The following MMP16 variants were observed in gnomAD, a reference collection of about 807,000 sequenced individuals.
MMP16 encodes matrix metallopeptidase 16.
Under a neutral mutation model 67.8 loss-of-function variants are expected in MMP16, and 12 were observed. The observed-to-expected ratio is 0.18, with a 90% CI of 0.11 to 0.29. MMP16 has a LOEUF of 0.29. MMP16 is among the 10% of genes least tolerant of loss of function. MMP16 has a pLI of 1.00. For missense variants in MMP16, 475 were observed against 765.7 expected, an observed-to-expected ratio of 0.62 and a Z score of 4.48; for synonymous variants, 249 against 255.9, an observed-to-expected ratio of 0.97 and a Z score of 0.26.
chr8:88,181,278 T>A (rs1210048227), intron 3 of MMP16, among the ~76,000 whole-genome samples: 1 of 151,976 alleles, frequency 6.6e-6, no homozygotes, highest in Non-Finnish European at 1.5e-5. Context: ...TATCCTCTAT[T>A]TGAAAAGTAC....
intron 1 of MMP16, among the ~76,000 whole-genome samples, chr8:88,219,696 T>G (rs1389664670): frequency 6.6e-6 from 1 of 152,156 alleles, no homozygotes; most frequent in African/African-American, 2.4e-5. Context: ...GAGTTATTTA[T>G]AAAATTTTCA....
chr8:88,113,031 C>T (rs1046386963), intron 6 of MMP16, among the ~76,000 whole-genome samples: 1 of 151,678 alleles, frequency 6.6e-6, no homozygotes, highest in Non-Finnish European at 1.5e-5. Flanking sequence ...TTCATTTAGG[C>T]TGACTATCAT....
At chr8:88,216,387 T>C (rs1488329208) in intron 1 of MMP16, among the ~76,000 whole-genome samples, 1 of 152,220 alleles carries the variant, frequency 6.6e-6, no homozygotes, top group Non-Finnish European at 1.5e-5. Flanking sequence ...TTGTATTTCG[T>C]ATAAACATAA....
intron 1 of MMP16, among the ~76,000 whole-genome samples, chr8:88,307,170 A>G (rs1041739576): frequency 1.3e-5 from 2 of 152,064 alleles, no homozygotes; most frequent in African/African-American, 4.8e-5. Context: ...CACGTTTAAG[A>G]TATCTGCAAC....
chr8:88,146,268 C>A (rs1381610245), intron 4 of MMP16, among the ~76,000 whole-genome samples: 4 of 152,002 alleles, frequency 2.6e-5, no homozygotes, highest in Admixed American at 6.6e-5. Flanking sequence ...GCAAAATATA[C>A]CTTATATGTA....
intron 6 of MMP16, among the ~76,000 whole-genome samples, chr8:88,105,931 G>A (rs1441332101): frequency 6.6e-6 from 1 of 150,438 alleles, no homozygotes; most frequent in Non-Finnish European, 1.5e-5. Context: ...AGAGGTAACT[G>A]TTCTTAACAT....
chr8:88,224,179 G>C (rs1809731733), intron 1 of MMP16, among the ~76,000 whole-genome samples: 1 of 152,036 alleles, frequency 6.6e-6, no homozygotes, highest in African/African-American at 2.4e-5. Context: ...GTAACAAATG[G>C]TAGCCTTGAC....
chr8:88,265,458 T>A (rs888639097), intron 1 of MMP16, among the ~76,000 whole-genome samples: 3 of 152,046 alleles, frequency 2.0e-5, no homozygotes, highest in Non-Finnish European at 4.4e-5. Context: ...GTTCATAGTT[T>A]AATGGGAGAG....
chr8:88,262,006 A>T (rs1410614416), intron 1 of MMP16, among the ~76,000 whole-genome samples: 2 of 152,220 alleles, frequency 1.3e-5, no homozygotes, highest in Non-Finnish European at 2.9e-5. Context: ...CTATGAGCTC[A>T]TTAAGGCAAA....
At chr8:88,326,470 G>T (rs1811538923) in intron 1 of MMP16, among the ~76,000 whole-genome samples, 1 of 151,762 alleles carries the variant, frequency 6.6e-6, no homozygotes, top group Admixed American at 6.6e-5. Flanking sequence ...GAGGGGGAAA[G>T]AAGACACTTA....
intron 6 of MMP16, among the ~76,000 whole-genome samples, chr8:88,093,165 A>T (rs1378012024): frequency 1.3e-5 from 2 of 151,854 alleles, no homozygotes; most frequent in African/African-American, 4.8e-5. Context: ...ACATGTAACA[A>T]TGTACAATAT....
chr8:88,305,803 T>C (rs1223433386), intron 1 of MMP16, among the ~76,000 whole-genome samples: 1 of 152,020 alleles, frequency 6.6e-6, no homozygotes, highest in African/African-American at 2.4e-5. Flanking sequence ...AAGGGGGAAA[T>C]TTATAGCACT....
chr8:88,086,092 T>C (rs2664357), intron 6 of MMP16, among the ~76,000 whole-genome samples: 50,591 of 151,628 alleles, frequency 0.33, 9,107 homozygotes, highest in East Asian at 0.48. Flanking sequence ...AGCTCTAGCA[T>C]AGAAAGAGCG....
At chr8:88,274,097 T>C (rs1329941223) in intron 1 of MMP16, among the ~76,000 whole-genome samples, 2 of 152,112 alleles carry the variant, frequency 1.3e-5, no homozygotes, top group South Asian at 2.1e-4. Context: ...AAACGTACCA[T>C]AGAAGGAGTA....
chr8:88,281,440 T>C (rs1416612417), intron 1 of MMP16, among the ~76,000 whole-genome samples: 1 of 152,168 alleles, frequency 6.6e-6, no homozygotes, highest in Admixed American at 6.5e-5. Context: ...ATTTTCAAAA[T>C]CATCCTGAAG....
intron 1 of MMP16, among the ~76,000 whole-genome samples, chr8:88,265,223 C>CTTTTTTTTTTTTTTTTT (rs398008661): frequency 0.017 from 1,729 of 100,642 alleles, 166 homozygotes; most frequent in Non-Finnish European, 0.022. Flanking sequence ...TGACCATTTC[C>CTTTTTTTTTTTTTTTTT]TTTTTTTTTT....
chr8:88,186,648 C>T (rs773878832), intron 2 of MMP16, 50 bp from the exon 3 acceptor site: 3 of 1,433,478 alleles, frequency 2.1e-6, no homozygotes, highest in Admixed American at 2.1e-5. Context: ...CAGTTATTTA[C>T]TAACAACCCT....
intron 4 of MMP16, among the ~76,000 whole-genome samples, chr8:88,146,607 A>G (rs1221628320): frequency 2.0e-5 from 3 of 151,980 alleles, no homozygotes; most frequent in African/African-American, 7.2e-5. Context: ...CAACCATAGT[A>G]CTATATTTCT....
chr8:88,094,093 A>G (rs575377330), intron 6 of MMP16, among the ~76,000 whole-genome samples: 62 of 151,880 alleles, frequency 4.1e-4, no homozygotes, highest in Non-Finnish European at 7.2e-4. Context: ...TTTATTTTAC[A>G]TATAACATAA....
Sources: gnomAD v4.1 joint callset for allele counts (sites outside exome capture counted in the v4.1 genomes callset) on GRCh38, gnomAD v4.1.1 for gene constraint, MANE v1.5 for transcripts, NCBI Gene and HGNC (gene_info 2026-07-23, HGNC 2026-07-21) for gene names.